The following ZNF343 variants were observed in gnomAD, a reference collection of about 807,000 sequenced individuals.
ZNF343 encodes zinc finger protein 343.
ZNF343 carries 11 observed loss-of-function variants against 13.8 expected under a neutral mutation model. That is an observed-to-expected ratio of 0.80 (90% CI 0.50 to 1.32). The LOEUF (loss-of-function observed/expected upper bound fraction) is 1.32. Among genes scored for constraint, ZNF343 ranks in the 40% most tolerant of loss-of-function variants. ZNF343 has a pLI of 0.00. For synonymous variants in ZNF343, 248 were observed against 260.0 expected (o/e 0.95, Z 0.44); for missense variants, 658 against 714.2 (o/e 0.92, Z 0.90).
chr20:2,511,783 G>C (rs1388870668), upstream of ZNF343, among the ~76,000 whole-genome samples: 2 of 152,342 alleles, frequency 1.3e-5, 1 homozygote, highest in South Asian at 4.1e-4. Context: ...AGCATGGGAT[G>C]CAATTATGAC....
chr20:2,520,647 AGAG>A (rs2085778317), intron 1 of ZNF343, among the ~76,000 whole-genome samples: 1 of 152,162 alleles, frequency 6.6e-6, no homozygotes, highest in African/African-American at 2.4e-5. Context: ...CTCATCTTAA[AGAG>A]GAGAATCAGT....
At position 2,499,096 on chromosome 20, in the gene ZNF343, A is replaced by G. The variant is rs185544672; in HGVS notation, c.-150+1560T>C. Reference sequence around the variant, plus strand: ...CACTTCAGCCTCCCAAAGTGCTGGGATTACAGGCGTGAGCCACCGCATGTG... The same window carrying G: ...CACTTCAGCCTCCCAAAGTGCTGGGGTTACAGGCGTGAGCCACCGCATGTG... On this transcript the variant is annotated intron_variant, in intron 2 of 5. Coordinates refer to ENST00000278772, the MANE Select transcript of ZNF343 (RefSeq NM_024325.6). Among the ~76,000 whole-genome samples, 1,137 of 146,554 alleles carry G rather than the reference A, an allele frequency of 7.8e-3. 13 individuals carry two copies. Among genetic ancestry groups the G allele is most frequent in the African/African-American group, 0.027 (1,080 of 40,548 alleles).
upstream of ZNF343, among the ~76,000 whole-genome samples, chr20:2,509,859 C>T (rs151175940): frequency 6.6e-6 from 1 of 152,276 alleles, no homozygotes; most frequent in Admixed American, 6.5e-5. Flanking sequence ...CCTGACCTCA[C>T]GCCCTTGGAG....
chr20:2,499,262 G>A (rs946933986), intron 2 of ZNF343, among the ~76,000 whole-genome samples: 26 of 142,892 alleles, frequency 1.8e-4, no homozygotes, highest in South Asian at 1.5e-3. Context: ...TCAGGAGATC[G>A]AGACCATCCC....
intron 2 of ZNF343, among the ~76,000 whole-genome samples, chr20:2,496,145 G>C (rs150106453): frequency 5.9e-5 from 9 of 152,274 alleles, no homozygotes; most frequent in Non-Finnish European, 1.0e-4. Flanking sequence ...TAAGTACTGA[G>C]GGCACCAGAA....
upstream of ZNF343, among the ~76,000 whole-genome samples, chr20:2,513,172 C>A (rs946093728): frequency 9.9e-5 from 15 of 152,116 alleles, no homozygotes; most frequent in Non-Finnish European, 2.9e-5. Flanking sequence ...AGTGACAAGG[C>A]AACCCATAAG....
intron 1 of ZNF343, among the ~76,000 whole-genome samples, chr20:2,500,997 G>A (rs898064513): frequency 6.6e-5 from 10 of 152,290 alleles, no homozygotes; most frequent in South Asian, 2.1e-4. Flanking sequence ...AGTGTTAGCC[G>A]AAGCAGGGTG....
chr20:2,519,573 T>C (rs2085773989), intron 1 of ZNF343, among the ~76,000 whole-genome samples: 1 of 152,154 alleles, frequency 6.6e-6, no homozygotes, highest in African/African-American at 2.4e-5. Flanking sequence ...TTATACTAAA[T>C]CTCCATATGT....
intron 5 of ZNF343, among the ~76,000 whole-genome samples, chr20:2,488,040 C>T (rs888391227): frequency 6.6e-6 from 1 of 152,104 alleles, no homozygotes; most frequent in African/African-American, 2.4e-5. Flanking sequence ...AAGATTCATT[C>T]TATGTTATGG....
chr20:2,490,082 G>A (rs1160375500), intron 5 of ZNF343, among the ~76,000 whole-genome samples: 1 of 151,946 alleles, frequency 6.6e-6, no homozygotes, highest in Non-Finnish European at 1.5e-5. Context: ...AGGAAAGAAA[G>A]AGAGAGACTG....
rs767218242 is a variant in ZNF343 at position 2,493,896 on chromosome 20, G to A, written c.-1C>T. The A allele has an allele frequency of 3.7e-6, 6 of 1,604,226 alleles. No homozygotes were observed. The highest frequency in any genetic ancestry group is 5.1e-6 in the Non-Finnish European group (6 of 1,171,096). On this transcript the variant is annotated 5_prime_UTR_variant, in exon 3 of 6. Transcript: ENST00000278772. ...GTGCTGAAGGATAAGGCAACATCAT[G>A]GCGCCAGAGTCAGCCCAGTGTGTGC...
At position 2,484,317 on chromosome 20, in the gene ZNF343, G is replaced by C; in HGVS notation, c.644C>G (p.Pro215Arg). 2 of 1,614,144 alleles carry C rather than the reference G, an allele frequency of 1.2e-6. No homozygotes were observed. The highest frequency in any genetic ancestry group is 2.2e-5 in the East Asian group (1 of 44,884). ...RKGNMVVETE[P>R]SSAQRPNPVQ... ...AGGGTTTGGTCTTTGGGCTGAGCTG[G>C]GCTCTGTTTCTACCACCATGTTGCC... Residue 215 changes from proline to arginine, a missense_variant, in exon 6 of 6, where the codon CCC becomes CGC. Transcript: ENST00000278772.
rs1242955523 is a variant in ZNF343 at position 2,518,996 on chromosome 20, G to A, written c.-347+5459C>T. Among the ~76,000 whole-genome samples the A allele has an allele frequency of 1.3e-5, 2 of 152,092 alleles. No homozygotes were observed. The highest frequency in any genetic ancestry group is 2.9e-5 in the Non-Finnish European group (2 of 68,020). ...CCTGCCATCGTGTAAGACATGCCTTGCTTCCCCTTCACCTTCCACCATGAT... is the reference window on the plus strand; with the variant it reads ...CCTGCCATCGTGTAAGACATGCCTTACTTCCCCTTCACCTTCCACCATGAT... On this transcript the variant is annotated intron_variant, in intron 1 of 6. Coordinates refer to the ZNF343 transcript ENST00000358413. The surrounding 1 kb of genome is among the most constrained non-coding windows in gnomAD (Gnocchi z 4.6).
rs73573118 is a variant in ZNF343, at chr20:2,487,258, A to G, written c.305-2602T>C. Among the ~76,000 whole-genome samples the G allele has an allele frequency of 8.9e-3, 1,362 of 152,290 alleles. 15 individuals carry two copies. The highest frequency in any genetic ancestry group is 0.032 in the African/African-American group (1,311 of 41,552). On this transcript the variant is annotated intron_variant, in intron 5 of 5. Coordinates refer to ENST00000278772, the MANE Select transcript of ZNF343 (RefSeq NM_024325.6). Reference sequence around the variant, plus strand: ...AATTCCTTTCTTTGAGTATTTAAACACTAACATGCTCCAAAAGTGCAAAAC... The same window carrying G: ...AATTCCTTTCTTTGAGTATTTAAACGCTAACATGCTCCAAAAGTGCAAAAC...
In ZNF343 at chr20:2,523,250, C is replaced by T. The variant is rs550562701; in HGVS notation, c.-347+1205G>A. Among the ~76,000 whole-genome samples the T allele has an allele frequency of 7.2e-5, 11 of 152,342 alleles. No homozygotes were observed. The East Asian group carries it at 7.7e-4, about 11-fold the overall frequency. On this transcript the variant is annotated intron_variant, in intron 1 of 6. Coordinates refer to the ZNF343 transcript ENST00000358413. Reference sequence around the variant, plus strand: ...ATGGTCTAAAAAGGGGAGGAACCCTCGGTTCCGAGAATTGCCCACCCCTTT... The same window carrying T: ...ATGGTCTAAAAAGGGGAGGAACCCTTGGTTCCGAGAATTGCCCACCCCTTT...
intron 5 of ZNF343, among the ~76,000 whole-genome samples, chr20:2,489,418 A>G (rs1406636121): frequency 1.3e-5 from 2 of 152,028 alleles, no homozygotes; most frequent in Non-Finnish European, 2.9e-5. Flanking sequence ...CACTGAGCCC[A>G]TCTCTGAAGA....
chr20:2,521,382 C>T (rs1457879412), intron 1 of ZNF343, among the ~76,000 whole-genome samples: 2 of 152,148 alleles, frequency 1.3e-5, no homozygotes, highest in Non-Finnish European at 2.9e-5. Context: ...GGGGACTCAG[C>T]ATTGGGAAGA....
Position 2,483,015 on chromosome 20 carries a change from C to G in ZNF343, c.*146G>C. The stretch of plus-strand genomic sequence containing the variant: ...CTCTCCTGAACGTGTCCCTCCCATG[C>G]CTGATAAGGGCTGACACATCTCTGG... On this transcript the variant is annotated 3_prime_UTR_variant, in exon 6 of 6. Transcript: ENST00000278772. 1 of 977,396 alleles carries G rather than the reference C, an allele frequency of 1.0e-6. No homozygotes were observed. Among genetic ancestry groups the G allele is most frequent in the Non-Finnish European group, 1.5e-6 (1 of 673,074 alleles). 60.5% of individuals were successfully genotyped at this position (977,396 alleles called of 1,614,324 possible). A position where few individuals can be genotyped will look rare whatever the true frequency, so the allele number is the denominator to read the frequency against.
chr20:2,517,181 G>A (rs1600083853), intron 1 of ZNF343, among the ~76,000 whole-genome samples: 2 of 152,152 alleles, frequency 1.3e-5, no homozygotes, highest in South Asian at 2.1e-4. Flanking sequence ...ATGAAACCAA[G>A]CTGTTTATGT....
Sources: gnomAD v4.1 joint callset for allele counts (sites outside exome capture counted in the v4.1 genomes callset) on GRCh38, gnomAD v4.1.1 for gene constraint, Gnocchi (gnomAD v3.1) non-coding constraint, MANE v1.5 for transcripts, NCBI Gene and HGNC (gene_info 2026-07-23, HGNC 2026-07-21) for gene names.